The following HECW1 variants were observed in gnomAD, a reference collection of about 807,000 sequenced individuals.
The protein encoded by HECW1 is E3 ubiquitin-protein ligase HECW1.
Under a neutral mutation model 182.3 loss-of-function variants are expected in HECW1, and 61 were observed. The ratio of observed to expected loss-of-function variants is 0.33; its 90% CI spans 0.27 to 0.41. HECW1 has a LOEUF of 0.41. HECW1 is among the 10% of genes least tolerant of loss of function. The probability of loss-of-function intolerance (pLI) is 1.00; values close to 1 mark genes in which losing one functional copy is unlikely to be tolerated. For synonymous variants in HECW1, 859 were observed against 832.6 expected, an observed-to-expected ratio of 1.03 and a Z score of -0.55; for missense variants, 1,739 against 2,108.9, an observed-to-expected ratio of 0.82 and a Z score of 3.44.
chr7:43,210,379 G>A (rs565046664), intron 2 of HECW1, among the ~76,000 whole-genome samples: 1 of 152,054 alleles, frequency 6.6e-6, no homozygotes, highest in Non-Finnish European at 1.5e-5. Flanking sequence ...AGGGGCTCAG[G>A]TCATCCTGAG....
At chr7:43,441,337 T>C (rs998738295) in intron 9 of HECW1, among the ~76,000 whole-genome samples, 1 of 152,172 alleles carries the variant, frequency 6.6e-6, no homozygotes, top group African/African-American at 2.4e-5. Context: ...AGCCAAAGAA[T>C]TCAGCCCACG....
chr7:43,168,788 G>C (rs1791389803), intron 2 of HECW1, among the ~76,000 whole-genome samples: 1 of 152,202 alleles, frequency 6.6e-6, no homozygotes, highest in African/African-American at 2.4e-5. Context: ...AAGTCAATAA[G>C]TATACGCAAG....
chr7:43,407,491 G>C, intron 7 of HECW1, 71 bp from the exon 8 acceptor site: 1 of 1,118,598 alleles, frequency 8.9e-7, no homozygotes, highest in Non-Finnish European at 1.3e-6. Context: ...CTCATGAAAG[G>C]TGTGGTTACC....
chr7:43,380,893 T>G (rs992603404), intron 6 of HECW1, among the ~76,000 whole-genome samples: 1 of 152,208 alleles, frequency 6.6e-6, no homozygotes, highest in Non-Finnish European at 1.5e-5. Flanking sequence ...TTTATGCATA[T>G]GATAATTTTT....
rs141976530 is a variant in HECW1, at chr7:43,184,390, G to C, written c.-31-59485G>C. 9.4e-4 allele frequency among the ~76,000 whole-genome samples: 143 copies of C among 152,348 alleles called. 1 individual carries two copies. The highest frequency in any genetic ancestry group is 3.3e-3 in the African/African-American group (138 of 41,586). On this transcript the variant is annotated intron_variant, in intron 2 of 29. Coordinates refer to ENST00000395891, the MANE Select transcript of HECW1 (RefSeq NM_015052.5). ...ACCGAACACTGAGTTGGGCAGAGAT[G>C]CCCAGTAGCAGACCATTATATAGCT...
chr7:43,293,140 A>G (rs1805608122), intron 3 of HECW1, among the ~76,000 whole-genome samples: 1 of 148,572 alleles, frequency 6.7e-6, no homozygotes, highest in African/African-American at 2.5e-5. Context: ...GAATCGCTTG[A>G]ACCCGGGAGG....
At chr7:43,247,546 C>A (rs1441593984) in intron 3 of HECW1, among the ~76,000 whole-genome samples, 2 of 151,958 alleles carry the variant, frequency 1.3e-5, no homozygotes, top group Non-Finnish European at 2.9e-5. Context: ...GTGGTTGAGG[C>A]AGAATTGCTT....
rs145664262 is a variant in HECW1, at chr7:43,357,817, T to C, written c.461-3069T>C. ...TAAGATGATGTATATCCCAATTACA[T>C]TCATTTGATCTTTACAAATTATATG... is the stretch of plus-strand genomic sequence containing the variant. On this transcript the variant is annotated intron_variant, in intron 5 of 29. Coordinates refer to ENST00000395891, the MANE Select transcript of HECW1 (RefSeq NM_015052.5). 1.3e-3 allele frequency among the ~76,000 whole-genome samples: 199 copies of C among 152,284 alleles called. 1 individual carries two copies. The highest frequency in any genetic ancestry group is 4.5e-3 in the African/African-American group (186 of 41,578).
chr7:43,296,069 C>A (rs1411629986), intron 3 of HECW1, among the ~76,000 whole-genome samples: 4 of 152,082 alleles, frequency 2.6e-5, no homozygotes, highest in Non-Finnish European at 4.4e-5. Flanking sequence ...TATAAATATT[C>A]ATGTGTTAAA....
intron 6 of HECW1, among the ~76,000 whole-genome samples, chr7:43,366,496 A>G (rs891788967): frequency 2.0e-5 from 3 of 152,258 alleles, no homozygotes; most frequent in African/African-American, 7.2e-5. Flanking sequence ...GTCCTGGAAA[A>G]TACTTCAACC....
intron 8 of HECW1, among the ~76,000 whole-genome samples, chr7:43,410,232 G>A (rs11760891): frequency 0.14 from 21,203 of 152,196 alleles, 1,783 homozygotes; most frequent in Middle Eastern, 0.23. Context: ...TCAAAGTTCC[G>A]AAGCTGGGAA....
intron 3 of HECW1, among the ~76,000 whole-genome samples, chr7:43,310,220 C>T (rs1261411081): frequency 2.6e-5 from 4 of 152,136 alleles, no homozygotes; most frequent in Non-Finnish European, 5.9e-5. Context: ...ACAGAGCCTC[C>T]TGGAGGGCTG....
At chr7:43,317,320 G>C (rs1809451040) in intron 4 of HECW1, among the ~76,000 whole-genome samples, 1 of 152,202 alleles carries the variant, frequency 6.6e-6, no homozygotes, top group Admixed American at 6.5e-5. Context: ...CCATGGCCTG[G>C]ACAGCAGCCT....
At chr7:43,457,641 G>A (rs2077447039) in intron 13 of HECW1, among the ~76,000 whole-genome samples, 1 of 152,014 alleles carries the variant, frequency 6.6e-6, no homozygotes, top group Non-Finnish European at 1.5e-5. Context: ...CAAGCGTGGT[G>A]GCAGGCACCT....
chr7:43,403,181 CAG>C (rs1259439543), intron 7 of HECW1, among the ~76,000 whole-genome samples: 2 of 152,124 alleles, frequency 1.3e-5, no homozygotes, highest in East Asian at 1.9e-4. Flanking sequence ...GAAAAACAAA[CAG>C]AAGTTATTAA....
chr7:43,518,757 A>T (rs797020641), intron 24 of HECW1, among the ~76,000 whole-genome samples: 1 of 152,174 alleles, frequency 6.6e-6, no homozygotes, highest in Non-Finnish European at 1.5e-5. Context: ...TAAACCCATT[A>T]AAAAATGTCA....
rs1800890549 is a variant in HECW1 at position 43,259,058 on chromosome 7, A to G, written c.27+15126A>G. On this transcript the variant is annotated intron_variant, in intron 3 of 29. Transcript: ENST00000395891. ...ACTCTCAAGGAAAACAAAACAAACA[A>G]TAGTATGCTTCAGTCTGCACTATTC... Among the ~76,000 whole-genome samples the G allele has an allele frequency of 2.6e-5, 4 of 152,344 alleles. No homozygotes were observed. The South Asian group carries it at 8.3e-4, about 32-fold the overall frequency.
chr7:43,422,691 C>T (rs116886313), intron 8 of HECW1, among the ~76,000 whole-genome samples: 336 of 152,108 alleles, frequency 2.2e-3, no homozygotes, highest in East Asian at 0.011. Flanking sequence ...TTCTTGATGC[C>T]GAGTGCTTTA....
chr7:43,167,603 G>C (rs1791259086), intron 2 of HECW1, among the ~76,000 whole-genome samples: 8 of 152,116 alleles, frequency 5.3e-5, no homozygotes. Flanking sequence ...TGCTGGGGCA[G>C]GTTTCAAGAA....
Sources: gnomAD v4.1 joint callset for allele counts (sites outside exome capture counted in the v4.1 genomes callset) on GRCh38, gnomAD v4.1.1 for gene constraint, MANE v1.5 for transcripts, NCBI Gene and HGNC (gene_info 2026-07-23, HGNC 2026-07-21) for gene names.